The following PIK3CB variants were observed in gnomAD, a reference collection of about 807,000 sequenced individuals.
The protein encoded by PIK3CB is phosphatidylinositol 4,5-bisphosphate 3-kinase catalytic subunit beta isoform.
A neutral mutation model predicts 136.8 loss-of-function variants in PIK3CB; 39 were observed. The ratio of observed to expected loss-of-function variants is 0.29; its 90% CI spans 0.22 to 0.37. The LOEUF is 0.37. Among genes scored for constraint, PIK3CB ranks in the 10% least tolerant of loss-of-function variants. The probability of loss-of-function intolerance (pLI) is 1.00; values close to 1 mark genes in which losing one functional copy is unlikely to be tolerated. For missense variants in PIK3CB, 868 were observed against 1,275.4 expected (o/e 0.68, Z 4.87); for synonymous variants, 428 against 436.6 (o/e 0.98, Z 0.25).
intron 2 of PIK3CB, among the ~76,000 whole-genome samples, chr3:138,775,669 C>A (rs1281087948): frequency 6.6e-6 from 1 of 152,152 alleles, no homozygotes; most frequent in Non-Finnish European, 1.5e-5. Flanking sequence ...CTCACTGCCC[C>A]AGCCTATGAC....
At chr3:138,810,851 C>T (rs1032373337) in intron 1 of PIK3CB, among the ~76,000 whole-genome samples, 18 of 151,814 alleles carry the variant, frequency 1.2e-4, no homozygotes, top group Admixed American at 3.9e-4. Flanking sequence ...ACCCGGGAAG[C>T]GGAGCTTGCA....
chr3:138,686,471 C>T (rs1411764459), intron 16 of PIK3CB, among the ~76,000 whole-genome samples: 1 of 151,940 alleles, frequency 6.6e-6, no homozygotes, highest in African/African-American at 2.4e-5. Flanking sequence ...ATAATAACAA[C>T]AAATAAAATT....
chr3:138,737,808 T>C lies in PIK3CB; in HGVS notation c.700A>G (p.Ile234Val), dbSNP rs750830394. The C allele has an allele frequency of 2.4e-5, 38 of 1,610,034 alleles. No homozygotes were observed. Among genetic ancestry groups the C allele is most frequent in the Non-Finnish European group, 3.1e-5 (36 of 1,177,648 alleles). The change falls in exon 6 of 24, where the codon ATT (isoleucine) becomes GTT (valine). Residue 234 changes from isoleucine to valine, a missense_variant. Ile to Val is a conservative substitution (Grantham distance 29). Coordinates refer to ENST00000674063, the MANE Select transcript of PIK3CB (RefSeq NM_006219.3). ...CTAACTTCATCTTCCTTCCCATGAA[T>C]AGTCAAACGTTTTTGGATTGCCAAT... ...NELAIQKRLT[I>V]HGKEDEVSPY...
chr3:138,715,066 A>G (rs79851714), intron 8 of PIK3CB, among the ~76,000 whole-genome samples: 2,166 of 152,320 alleles, frequency 0.014, 47 homozygotes, highest in Middle Eastern at 0.048. Context: ...GCATACTATC[A>G]TATGCTTACT....
chr3:138,789,352 A>T (rs1410774644), intron 2 of PIK3CB, among the ~76,000 whole-genome samples: 1 of 151,852 alleles, frequency 6.6e-6, no homozygotes, highest in Non-Finnish European at 1.5e-5. Flanking sequence ...CCAGCTACTC[A>T]GGAGGCTGAG....
chr3:138,702,380 A>T (rs2044273994), intron 12 of PIK3CB, among the ~76,000 whole-genome samples: 1 of 151,866 alleles, frequency 6.6e-6, no homozygotes, highest in East Asian at 1.9e-4. Flanking sequence ...CATCCTTACC[A>T]TTTATTAATT....
At chr3:138,774,397 C>T (rs2045834507) in intron 2 of PIK3CB, among the ~76,000 whole-genome samples, 13 of 152,192 alleles carry the variant, frequency 8.5e-5, no homozygotes, top group Admixed American at 7.2e-4. Context: ...ACTGGATACA[C>T]TTTTGCACCT....
chr3:138,664,102 A>AC, intron 20 of PIK3CB, 73 bp from the exon 21 acceptor site: 1 of 1,522,552 alleles, frequency 6.6e-7, no homozygotes, highest in Admixed American at 2.1e-5. Flanking sequence ...CCCAAACCAT[A>AC]CCTCTGTTTC....
At chr3:138,818,898 CTT>C (rs1264547590) in intron 1 of PIK3CB, among the ~76,000 whole-genome samples, 2 of 152,022 alleles carry the variant, frequency 1.3e-5, no homozygotes, top group Admixed American at 6.6e-5. Context: ...AGGAATATAA[CTT>C]AGTACAAAAT....
At chr3:138,782,349 T>C (rs1323062759) in intron 2 of PIK3CB, among the ~76,000 whole-genome samples, 1 of 152,230 alleles carries the variant, frequency 6.6e-6, no homozygotes, top group Non-Finnish European at 1.5e-5. Context: ...AAAATTGAAT[T>C]GGAACAAGGC....
At position 138,654,636 on chromosome 3, in the gene PIK3CB, G is replaced by A. The variant is rs1367087626; in HGVS notation, c.*753C>T. The A allele has an allele frequency of 1.8e-5, 4 of 225,684 alleles. No individual in the cohort carries two copies. Among genetic ancestry groups the A allele is most frequent in the Non-Finnish European group, 1.8e-5 (2 of 113,482 alleles). The allele number at this position is 225,684 out of a possible 1,614,324, so 14.0% of individuals were successfully genotyped here. Reference sequence around the variant, plus strand: ...AACTGGATCACACAGTTACCTAACTGAAAAGTAACTTAGGAAAAAGCTCTG... The same window carrying A: ...AACTGGATCACACAGTTACCTAACTAAAAAGTAACTTAGGAAAAAGCTCTG... On this transcript the variant is annotated 3_prime_UTR_variant, in exon 24 of 24. Coordinates refer to ENST00000674063, the MANE Select transcript of PIK3CB (RefSeq NM_006219.3).
intron 1 of PIK3CB, among the ~76,000 whole-genome samples, chr3:138,834,381 GC>G (rs770459869): frequency 7.9e-5 from 12 of 152,222 alleles, no homozygotes; most frequent in Non-Finnish European, 1.5e-4. Flanking sequence ...CCACAGAAAC[GC>G]CCCTCAGGAA....
chr3:138,804,520 A>G (rs1356674680), intron 1 of PIK3CB, among the ~76,000 whole-genome samples: 1 of 152,154 alleles, frequency 6.6e-6, no homozygotes, highest in Non-Finnish European at 1.5e-5. Context: ...AAAAAAAACA[A>G]AAGAGCAAAA....
At chr3:138,682,606 C>T (rs1307894270) in intron 18 of PIK3CB, among the ~76,000 whole-genome samples, 2 of 152,140 alleles carry the variant, frequency 1.3e-5, no homozygotes, top group Non-Finnish European at 2.9e-5. Context: ...AACTGCATCA[C>T]GAGGTCACAA....
intron 22 of PIK3CB, among the ~76,000 whole-genome samples, chr3:138,656,546 ATAATC>A (rs2043195416): frequency 6.6e-6 from 1 of 152,220 alleles, no homozygotes; most frequent in South Asian, 2.1e-4. Context: ...ATTTTTAATA[ATAATC>A]TAGACTTTTT....
chr3:138,822,647 G>A (rs1000502085), intron 1 of PIK3CB, among the ~76,000 whole-genome samples: 4 of 151,658 alleles, frequency 2.6e-5, no homozygotes, highest in African/African-American at 9.7e-5. Context: ...TTCGAGACGA[G>A]CCTGGCCAAC....
intron 2 of PIK3CB, among the ~76,000 whole-genome samples, chr3:138,782,303 A>G (rs1302885527): frequency 2.6e-5 from 4 of 152,246 alleles, no homozygotes; most frequent in African/African-American, 4.8e-5. Flanking sequence ...GGAGAAGACA[A>G]TGATTAATAC....
intron 19 of PIK3CB, among the ~76,000 whole-genome samples, chr3:138,680,028 A>C (rs2043734501): frequency 6.6e-6 from 1 of 151,888 alleles, no homozygotes; most frequent in Non-Finnish European, 1.5e-5. Flanking sequence ...CTAATAAGGA[A>C]GCAAATCTCT....
intron 8 of PIK3CB, among the ~76,000 whole-genome samples, chr3:138,723,014 T>C (rs2044760146): frequency 6.6e-6 from 1 of 151,492 alleles, no homozygotes; most frequent in African/African-American, 2.4e-5. Context: ...GAAACAAGAG[T>C]AGGAAAAAAG....
Sources: allele counts gnomAD v4.1 joint callset (sites outside exome capture counted in the v4.1 genomes callset), GRCh38; gene constraint gnomAD v4.1.1; transcripts MANE v1.5; gene names NCBI Gene and HGNC (gene_info 2026-07-23, HGNC 2026-07-21).